The following ATG2B variants were observed in gnomAD, a reference collection of about 807,000 sequenced individuals.
ATG2B encodes autophagy related 2B.
ATG2B carries 121 observed loss-of-function variants against 241.3 expected under a neutral mutation model. The ratio of observed to expected loss-of-function variants is 0.50; its 90% confidence interval spans 0.43 to 0.58. The LOEUF (loss-of-function observed/expected upper bound fraction) is 0.58, where lower values mean the gene tolerates loss of function less well. ATG2B is among the 20% of genes least tolerant of loss of function. The pLI is 0.00. For synonymous variants in ATG2B, 858 were observed against 876.6 expected, an observed-to-expected ratio of 0.98 and a Z score of 0.37; for missense variants, 2,306 against 2,491.6, an observed-to-expected ratio of 0.93 and a Z score of 1.59.
chr14:96,344,293 C>T (rs1349799265), intron 4 of ATG2B, among the ~76,000 whole-genome samples: 1 of 152,104 alleles, frequency 6.6e-6, no homozygotes, highest in East Asian at 1.9e-4. Flanking sequence ...ATGTCTTTCA[C>T]GTTAATGAAA....
At chr14:96,301,273 T>C (rs911465870) in intron 34 of ATG2B, among the ~76,000 whole-genome samples, 4 of 150,864 alleles carry the variant, frequency 2.7e-5, no homozygotes, top group Non-Finnish European at 4.4e-5. Flanking sequence ...AACTAAGGCT[T>C]GGAGATGTTC....
intron 19 of ATG2B, 33 bp from the exon 20 acceptor site, chr14:96,317,350 T>G: frequency 6.5e-7 from 1 of 1,550,336 alleles, no homozygotes; most frequent in Non-Finnish European, 8.8e-7. Flanking sequence ...TACATTCTGA[T>G]AGCATATTAA....
intron 23 of ATG2B, among the ~76,000 whole-genome samples, chr14:96,314,247 A>G (rs918586497): frequency 1.1e-4 from 17 of 152,222 alleles, no homozygotes. Context: ...TTCCCAGCAC[A>G]ATTAAGAAGT....
At chr14:96,327,651 C>A (rs1206996117) in intron 14 of ATG2B, among the ~76,000 whole-genome samples, 1 of 152,048 alleles carries the variant, frequency 6.6e-6, no homozygotes, top group African/African-American at 2.4e-5. Context: ...AACCTAATTC[C>A]ACTGTAATAT....
At chr14:96,333,407 T>G (rs915561816) in intron 8 of ATG2B, among the ~76,000 whole-genome samples, 1 of 152,202 alleles carries the variant, frequency 6.6e-6, no homozygotes, top group African/African-American at 2.4e-5. Flanking sequence ...AACTTTCACA[T>G]AAATTTACAT....
intron 16 of ATG2B, 84 bp from the exon 17 acceptor site, chr14:96,322,819 C>A (rs182359658): frequency 2.8e-6 from 3 of 1,074,064 alleles, no homozygotes; most frequent in South Asian, 3.2e-5. Flanking sequence ...AATACACACA[C>A]CACTGGTTAA....
chr14:96,302,579 G>GA (rs58450010), intron 33 of ATG2B, among the ~76,000 whole-genome samples: 143 of 149,568 alleles, frequency 9.6e-4, no homozygotes, highest in African/African-American at 3.1e-3. Flanking sequence ...CTGTTGGGGG[G>GA]AAAAAAAAAA....
chr14:96,280,243 G>A lies in ATG2B; in HGVS notation c.*5512C>T, dbSNP rs1421685088. ...GTTTCCCAATTAGTGAAGACTTTTTGCTAAGTTAGGTAACTGCTCCAAGCT... is the reference window on the plus strand; with the variant it reads ...GTTTCCCAATTAGTGAAGACTTTTTACTAAGTTAGGTAACTGCTCCAAGCT... On this transcript the variant is annotated 3_prime_UTR_variant, in exon 42 of 42. Coordinates refer to ENST00000359933, the MANE Select transcript of ATG2B (RefSeq NM_018036.7). 6.6e-6 allele frequency: 1 copy of A among 152,148 alleles called. No homozygotes were observed. Among genetic ancestry groups the A allele is most frequent in the East Asian group, 1.9e-4 (1 of 5,194 alleles). The allele number at this position is 152,148 out of a possible 1,614,324, so 9.4% of individuals were successfully genotyped here. A position where few individuals can be genotyped will look rare whatever the true frequency, so the allele number is the denominator to read the frequency against.
chr14:96,327,680 G>A (rs1235296692), intron 14 of ATG2B, among the ~76,000 whole-genome samples: 1 of 152,036 alleles, frequency 6.6e-6, no homozygotes, highest in Non-Finnish European at 1.5e-5. Flanking sequence ...CTACTGACTG[G>A]CATATTTCTC....
At chr14:96,339,738 A>G (rs1349882093) in intron 6 of ATG2B, among the ~76,000 whole-genome samples, 1 of 151,922 alleles carries the variant, frequency 6.6e-6, no homozygotes, top group Non-Finnish European at 1.5e-5. Flanking sequence ...GAGGTTAGGA[A>G]GGAGGTGAAG....
chr14:96,308,276 A>ATGTG (rs1566719964), intron 29 of ATG2B, among the ~76,000 whole-genome samples: 3 of 27,128 alleles, frequency 1.1e-4, no homozygotes, highest in Admixed American at 4.2e-4. Context: ...ATATATATAT[A>ATGTG]TATATATTTT....
intron 28 of ATG2B, 104 bp from the exon 29 acceptor site, chr14:96,309,698 C>A: frequency 8.9e-7 from 1 of 1,122,798 alleles, no homozygotes; most frequent in Non-Finnish European, 1.2e-6. Flanking sequence ...ACAAAAACAT[C>A]AGAAATAGAA....
rs543630975 is a variant in ATG2B at position 96,363,078 on chromosome 14, G to T, written c.-102C>A. 2.9e-6 allele frequency: 4 copies of T among 1,380,230 alleles called. No individual in the cohort carries two copies. The African/African-American group carries it at 4.3e-5, about 15-fold the overall frequency. The allele number at this position is 1,380,230 out of a possible 1,614,324, so 85.5% of individuals were successfully genotyped here. A position where few individuals can be genotyped will look rare whatever the true frequency, so the allele number is the denominator to read the frequency against. On this transcript the variant is annotated 5_prime_UTR_variant, in exon 1 of 42. Transcript: ENST00000359933. ...AGGCCGCGGCGGGGCCTAAGCCTGG[G>T]GCGGCCCCTCCATCCCTATTTGGTG...
At chr14:96,301,899 T>C in intron 34 of ATG2B, 108 bp downstream of exon 34, 1 of 831,608 alleles carries the variant, frequency 1.2e-6, no homozygotes, top group Non-Finnish European at 1.9e-6. Flanking sequence ...TTGCTTTATA[T>C]ATGTAACCGC....
In ATG2B at chr14:96,317,383, T is replaced by C. The variant is rs1480303468; in HGVS notation, c.3038-66A>G. On this transcript the variant is annotated intron_variant, in intron 19 of 41. Transcript: ENST00000359933. ...TAAAACAGCAACATAAAAATGATCA[T>C]GAAAATATTTTATATAACCTGCTTA... 5.8e-6 allele frequency: 8 copies of C among 1,374,590 alleles called. No homozygotes were observed. The Admixed American group carries it at 8.7e-5, about 15-fold the overall frequency. The allele number at this position is 1,374,590 out of a possible 1,614,324, so 85.1% of individuals were successfully genotyped here. A position where few individuals can be genotyped will look rare whatever the true frequency, so the allele number is the denominator to read the frequency against.
At chr14:96,340,705 G>A (rs1309436739) in intron 6 of ATG2B, among the ~76,000 whole-genome samples, 1 of 152,088 alleles carries the variant, frequency 6.6e-6, no homozygotes, top group Non-Finnish European at 1.5e-5. Context: ...TTCAGCCCAG[G>A]AGTTCAAGAC....
chr14:96,322,165 T>C lies in ATG2B; in HGVS notation c.2826A>G (p.Pro942=), dbSNP rs1887475841. The C allele has an allele frequency of 6.4e-7, 1 of 1,573,850 alleles. No individual in the cohort carries two copies. The highest frequency in any genetic ancestry group is 2.0e-5 in the Admixed American group (1 of 49,588). The stretch of plus-strand genomic sequence containing the variant: ...TATTAGGTAGTGTTACATAAATATT[T>C]GGTAACGTAAGTTCCAGCACATAGT... ...NSHYVLELTL[P]NIYVTLPNKS... Residue 942 remains proline (P), a synonymous_variant, in exon 18 of 42, where the codon CCA becomes CCG. Coordinates refer to ENST00000359933, the MANE Select transcript of ATG2B (RefSeq NM_018036.7).
chr14:96,341,016 GTCTA>G (rs924503785), intron 6 of ATG2B, among the ~76,000 whole-genome samples: 3 of 150,848 alleles, frequency 2.0e-5, no homozygotes, highest in Admixed American at 6.6e-5. Flanking sequence ...AATGGAAAAA[GTCTA>G]TCTCTTTTCA....
chr14:96,347,000 G>C (rs1201300633), intron 2 of ATG2B, among the ~76,000 whole-genome samples, 179 bp downstream of exon 2: 1 of 151,956 alleles, frequency 6.6e-6, no homozygotes, highest in African/African-American at 2.4e-5. Context: ...AAAAATCGGG[G>C]AAAGAAACAA....
Sources: allele counts gnomAD v4.1 joint callset (sites outside exome capture counted in the v4.1 genomes callset), GRCh38; gene constraint gnomAD v4.1.1; transcripts MANE v1.5; gene names NCBI Gene and HGNC (gene_info 2026-07-23, HGNC 2026-07-21).